Variants in MACF1 observed in about 807,000 individuals in gnomAD.
MACF1 encodes the protein microtubule actin crosslinking factor 1, also known as microtubule-actin cross-linking factor 1.
In MACF1, 193 loss-of-function variants were observed where a neutral mutation model predicts 854.8. The ratio of observed to expected loss-of-function variants is 0.23; its 90% confidence interval spans 0.20 to 0.25. The LOEUF (loss-of-function observed/expected upper bound fraction) is 0.25, where lower values mean the gene tolerates loss of function less well. Among genes scored for constraint, MACF1 ranks in the 10% least tolerant of loss-of-function variants. The pLI is 1.00. For missense variants in MACF1, 7,722 were observed against 8,929.1 expected (o/e 0.86, Z 5.45); for synonymous variants, 3,185 against 3,226.7 (o/e 0.99, Z 0.44).
chr1:39,195,869 G>A (rs1644312921), intron 2 of MACF1, among the ~76,000 whole-genome samples: 1 of 152,196 alleles, frequency 6.6e-6, no homozygotes, highest in South Asian at 2.1e-4. Flanking sequence ...CGAGGGCAGG[G>A]TTGGTAAGTT....
intron 1 of MACF1, among the ~76,000 whole-genome samples, chr1:39,226,034 G>C (rs1045142978): frequency 5.9e-5 from 9 of 152,248 alleles, no homozygotes; most frequent in African/African-American, 2.2e-4. Flanking sequence ...TCATGTAATT[G>C]ATGGGCATAC....
intron 94 of MACF1, chr1:39,464,713 A>T (rs1308219970): frequency 4.8e-6 from 1 of 209,006 alleles, no homozygotes; most frequent in Non-Finnish European, 9.7e-6. Context: ...CAGGAATTCG[A>T]GACCAACCTG....
intron 6 of MACF1, among the ~76,000 whole-genome samples, chr1:39,279,380 G>T (rs368005876): frequency 6.6e-6 from 1 of 151,502 alleles, no homozygotes. Flanking sequence ...TCTAAATATA[G>T]TGTTAAAGTT....
Position 39,400,482 on chromosome 1 carries a change from C to CT in MACF1, c.15816+11835dup, listed in dbSNP as rs201840144. On this transcript the variant is annotated intron_variant, in intron 58 of 100. Coordinates refer to ENST00000564288, the MANE Select transcript of MACF1 (RefSeq NM_001394062.1). ...CATATAAATTAGAATATTGTGAAAT[C>CT]TTTTTTTTTTTCATTTTTTGTTTGT... Among the ~76,000 whole-genome samples the CT allele has an allele frequency of 1.4e-3, 198 of 143,478 alleles. 1 individual carries two copies. Among genetic ancestry groups the CT allele is most frequent in the Middle Eastern group, 3.5e-3 (1 of 284 alleles). The allele number at this position is 143,478 out of a possible 152,430, so 94.1% of individuals were successfully genotyped here. A position where few individuals can be genotyped will look rare whatever the true frequency, so the allele number is the denominator to read the frequency against.
chr1:39,480,246 G>T, intron 98 of MACF1: 2 of 482,076 alleles, frequency 4.1e-6, no homozygotes, highest in South Asian at 5.8e-5. Context: ...TATGCACTCA[G>T]CCTGGTTATG....
At chr1:39,125,571 C>T (rs935928571) in intron 2 of MACF1, among the ~76,000 whole-genome samples, 1 of 152,180 alleles carries the variant, frequency 6.6e-6, no homozygotes, top group African/African-American at 2.4e-5. Context: ...TTTAGACCCT[C>T]GCTTGGTCCT....
chr1:39,246,999 T>C (rs1035260836), intron 2 of MACF1, among the ~76,000 whole-genome samples: 1 of 151,702 alleles, frequency 6.6e-6, no homozygotes, highest in Non-Finnish European at 1.5e-5. Flanking sequence ...TCTCTGAGGT[T>C]CAAGGGATTC....
At chr1:39,137,450 G>T (rs12137783) in intron 2 of MACF1, among the ~76,000 whole-genome samples, 1 of 152,152 alleles carries the variant, frequency 6.6e-6, no homozygotes, top group Non-Finnish European at 1.5e-5. Context: ...TCACTGTAAC[G>T]TGTCTACCAG....
upstream of MACF1, among the ~76,000 whole-genome samples, chr1:39,200,470 A>G (rs559359275): frequency 3.3e-5 from 5 of 152,112 alleles, no homozygotes; most frequent in South Asian, 2.1e-4. Flanking sequence ...AGGCCGAGGC[A>G]GGTGGATCAC....
At position 39,357,674 on chromosome 1, in the gene MACF1, C is replaced by A; in HGVS notation, c.11724C>A (p.Ser3908Arg). ...KELENMHKGG[S>R]SPETLPSLLK... is the part of the protein sequence containing the mutation. Reference sequence around the variant, plus strand: ...TGGAGAACATGCATAAGGGAGGCAGCAGCCCCGAGACCCTTCCCTCCCTGC... The same window carrying A: ...TGGAGAACATGCATAAGGGAGGCAGAAGCCCCGAGACCCTTCCCTCCCTGC... The change falls in exon 45 of 101, where the codon AGC (serine) becomes AGA (arginine). Residue 3908 changes from serine (S) to arginine (R), a missense_variant. By Grantham distance (110) the Ser-to-Arg change is moderately radical. Coordinates refer to ENST00000564288, the MANE Select transcript of MACF1 (RefSeq NM_001394062.1). 6.2e-7 allele frequency: 1 copy of A among 1,614,128 alleles called. No individual in the cohort carries two copies. The highest frequency in any genetic ancestry group is 8.5e-7 in the Non-Finnish European group (1 of 1,180,002).
At chr1:39,408,200 A>G (rs1642790518) in intron 58 of MACF1, among the ~76,000 whole-genome samples, 2 of 151,962 alleles carry the variant, frequency 1.3e-5, no homozygotes, top group Non-Finnish European at 2.9e-5. Context: ...CTCCCCCAAC[A>G]CCCCATTTTC....
rs745960943 is a variant in MACF1 at position 39,444,779 on chromosome 1, G to A, written c.19549G>A (p.Val6517Ile). The A allele has an allele frequency of 6.2e-7, 1 of 1,613,880 alleles. No individual in the cohort carries two copies. The highest frequency in any genetic ancestry group is 1.1e-5 in the South Asian group (1 of 91,066). The change falls in exon 80 of 101, where the codon GTA (valine) becomes ATA (isoleucine). Residue 6517 changes from valine (V) to isoleucine (I), a missense_variant. Around this residue, in one of 15 missense-constraint regions of MACF1, gnomAD observed 729 missense variants for 900.5 expected, o/e 0.81. Transcript: ENST00000564288. ...GTCTGGCTCCAAGACAGAACAGAGT[G>A]TAGCACTTTTGGAGCAGAAGTGGCA... The part of the protein sequence containing the change: ...SGSGSKTEQS[V>I]ALLEQKWHVV...
chr1:39,162,093 C>T (rs190317807), intron 2 of MACF1, among the ~76,000 whole-genome samples: 37 of 151,704 alleles, frequency 2.4e-4, no homozygotes, highest in African/African-American at 7.5e-4. Context: ...CTCCGCCTCC[C>T]GGGTTCAAGC....
At chr1:39,393,459 T>C (rs1642134063) in intron 58 of MACF1, among the ~76,000 whole-genome samples, 1 of 151,748 alleles carries the variant, frequency 6.6e-6, no homozygotes, top group Admixed American at 6.6e-5. Flanking sequence ...TATGTATTTA[T>C]ATTGTTGTGT....
chr1:39,254,247 T>TGG, intron 4 of MACF1, 51 bp from the exon 5 acceptor site: 1 of 1,440,908 alleles, frequency 6.9e-7, no homozygotes, highest in East Asian at 2.3e-5. Context: ...AGGGTCTGTA[T>TGG]GGTTAAATTG....
chr1:39,378,609 G>C, intron 53 of MACF1, 86 bp downstream of exon 53: 1 of 1,298,212 alleles, frequency 7.7e-7, no homozygotes, highest in Non-Finnish European at 1.1e-6. Flanking sequence ...GCAATATGTG[G>C]TGGAAGAACT....
At position 39,461,723 on chromosome 1, in the gene MACF1, C is replaced by T. The variant is rs554078519; in HGVS notation, c.21524-160C>T. On this transcript the variant is annotated intron_variant, in intron 92 of 100. Coordinates refer to ENST00000564288, the MANE Select transcript of MACF1 (RefSeq NM_001394062.1). ...AGGAGAATCACTTGAACCAGGGAGA[C>T]GGAAGTTGCAGTGAGCCGAGATTGC... Among the ~76,000 whole-genome samples the T allele has an allele frequency of 2.4e-4, 34 of 140,264 alleles. 1 individual carries two copies. The Middle Eastern group carries it at 0.017, about 70-fold the overall frequency. 92.0% of individuals were successfully genotyped at this position (140,264 alleles called of 152,430 possible).
At chr1:39,163,543 G>C (rs1191161299) in intron 2 of MACF1, among the ~76,000 whole-genome samples, 1 of 152,104 alleles carries the variant, frequency 6.6e-6, no homozygotes, top group Non-Finnish European at 1.5e-5. Flanking sequence ...AGGGGTTCCA[G>C]GTATTTTGAA....
intron 59 of MACF1, 43 bp downstream of exon 59, chr1:39,422,578 A>G: frequency 6.4e-7 from 1 of 1,571,378 alleles, no homozygotes. Flanking sequence ...AACGGAAGGC[A>G]TAGAAAAGAG....
Sources: gnomAD v4.1 joint callset for allele counts (sites outside exome capture counted in the v4.1 genomes callset) on GRCh38, gnomAD v4.1.1 for gene constraint, gnomAD v4.1.1 regional missense constraint, MANE v1.5 for transcripts, NCBI Gene and HGNC (gene_info 2026-07-23, HGNC 2026-07-21) for gene names.